The following PLCE1 variants were observed in gnomAD, a reference collection of about 807,000 sequenced individuals.
The protein encoded by PLCE1 is 1-phosphatidylinositol 4,5-bisphosphate phosphodiesterase epsilon-1.
Under a neutral mutation model 242.8 loss-of-function variants are expected in PLCE1, and 119 were observed. The ratio of observed to expected loss-of-function variants is 0.49; its 90% CI spans 0.42 to 0.57. The LOEUF is 0.57. Among genes scored for constraint, PLCE1 ranks in the 20% least tolerant of loss-of-function variants. The probability of loss-of-function intolerance (pLI) is 0.00; values close to 1 mark genes in which losing one functional copy is unlikely to be tolerated. For missense variants in PLCE1, 2,441 were observed against 2,788.8 expected (o/e 0.88, Z 2.81); for synonymous variants, 945 against 1,017.4 (o/e 0.93, Z 1.35).
intron 3 of PLCE1, chr10:94,138,315 C>A (rs573443540): frequency 1.1e-5 from 4 of 354,314 alleles, no homozygotes; most frequent in African/African-American, 4.3e-5. Context: ...ATGGAAGAGG[C>A]CTTCTATGCC....
intron 4 of PLCE1, among the ~76,000 whole-genome samples, chr10:94,226,326 G>A (rs1331021014): frequency 6.6e-6 from 1 of 152,204 alleles, no homozygotes; most frequent in East Asian, 1.9e-4. Flanking sequence ...GGTTGATAAT[G>A]CAACCTCTGG....
chr10:94,309,067 G>T lies in PLCE1; in HGVS notation c.6003+368G>T, dbSNP rs117463106. 1.9e-3 allele frequency among the ~76,000 whole-genome samples: 287 copies of T among 152,320 alleles called. 1 individual carries two copies. Among genetic ancestry groups the T allele is most frequent in the Admixed American group, 3.5e-3 (53 of 15,306 alleles). ...AGTAAGCCAAATATAACAAAGTGAG[G>T]AAGAGGCTTATTATGCGAAGCCTAG... On this transcript the variant is annotated intron_variant, in intron 27 of 32. Coordinates refer to ENST00000371380, the MANE Select transcript of PLCE1 (RefSeq NM_016341.4).
At chr10:94,239,596 T>C (rs986810554) in intron 7 of PLCE1, among the ~76,000 whole-genome samples, 1 of 152,206 alleles carries the variant, frequency 6.6e-6, no homozygotes, top group African/African-American at 2.4e-5. Flanking sequence ...AGCACTTAAG[T>C]GTGGACACCC....
chr10:94,190,911 T>C (rs1430047965), intron 4 of PLCE1, among the ~76,000 whole-genome samples: 1 of 152,220 alleles, frequency 6.6e-6, no homozygotes, highest in Non-Finnish European at 1.5e-5. Context: ...GCCATGAGAA[T>C]CTGTCTTCTA....
intron 28 of PLCE1, among the ~76,000 whole-genome samples, chr10:94,313,931 C>G (rs2133751703): frequency 6.6e-6 from 1 of 152,304 alleles, no homozygotes; most frequent in South Asian, 2.1e-4. Context: ...CCTCCCCTGG[C>G]ACCTGACCTT....
intron 1 of PLCE1, among the ~76,000 whole-genome samples, chr10:94,000,574 A>G (rs1442339007): frequency 6.6e-6 from 1 of 152,238 alleles, no homozygotes; most frequent in African/African-American, 2.4e-5. Context: ...GAATTCTAAC[A>G]AATATTAGTT....
intron 3 of PLCE1, among the ~76,000 whole-genome samples, chr10:94,156,931 A>T (rs2047450582): frequency 6.6e-6 from 1 of 152,072 alleles, no homozygotes; most frequent in African/African-American, 2.4e-5. Context: ...AAATATATAT[A>T]TTTTTTATTA....
At chr10:94,276,757 C>T (rs946193656) in intron 19 of PLCE1, among the ~76,000 whole-genome samples, 1 of 152,158 alleles carries the variant, frequency 6.6e-6, no homozygotes, top group Non-Finnish European at 1.5e-5. Flanking sequence ...ATTAATACCC[C>T]ATCATGAAAT....
At chr10:94,278,411 C>T (rs1288596468) in intron 19 of PLCE1, among the ~76,000 whole-genome samples, 1 of 152,138 alleles carries the variant, frequency 6.6e-6, no homozygotes, top group East Asian at 1.9e-4. Context: ...GAAATGGCAA[C>T]TTTTTCATTA....
At position 94,235,904 on chromosome 10, in the gene PLCE1, T is replaced by C. The variant is rs1326438763; in HGVS notation, c.2215-11T>C. On this transcript the variant is annotated splice_polypyrimidine_tract_variant and intron_variant, in intron 6 of 32. Transcript: ENST00000371380. ...AAGTTGCAATAGCAAATTCTCGATT[T>C]TTTTTTGTAGTTTGTAGCAGATTAC... is the stretch of plus-strand genomic sequence containing the variant. 1 of 1,611,546 alleles carries C rather than the reference T, an allele frequency of 6.2e-7. No homozygotes were observed. Among genetic ancestry groups the C allele is most frequent in the South Asian group, 1.1e-5 (1 of 91,012 alleles).
intron 4 of PLCE1, among the ~76,000 whole-genome samples, chr10:94,185,423 G>GAA (rs1258716283): frequency 2.0e-5 from 3 of 152,188 alleles, no homozygotes; most frequent in Non-Finnish European, 4.4e-5. Flanking sequence ...TTGAACCCAG[G>GAA]AGGCAGAGGT....
chr10:94,330,722 T>G lies in PLCE1; in HGVS notation c.*2779T>G, dbSNP rs1554921242. 3 of 150,980 alleles carry G rather than the reference T, an allele frequency of 2.0e-5. No homozygotes were observed. Among genetic ancestry groups the G allele is most frequent in the Non-Finnish European group, 4.4e-5 (3 of 67,842 alleles). The allele number at this position is 150,980 out of a possible 1,614,324, so 9.4% of individuals were successfully genotyped here. ...AAAAAAAAAAAAGTAAAGAGTCTAG[T>G]CTACTATTATACACAAATGGCCAGC... On this transcript the variant is annotated 3_prime_UTR_variant, in exon 33 of 33. Coordinates refer to ENST00000371380, the MANE Select transcript of PLCE1 (RefSeq NM_016341.4).
At chr10:94,063,782 G>A (rs1474239970) in intron 2 of PLCE1, among the ~76,000 whole-genome samples, 5 of 152,210 alleles carry the variant, frequency 3.3e-5, no homozygotes, top group African/African-American at 7.2e-5. Context: ...ACCTACGGGC[G>A]ATGAGGGTAG....
At chr10:94,166,887 T>C (rs1564749451) in intron 3 of PLCE1, among the ~76,000 whole-genome samples, 1 of 152,144 alleles carries the variant, frequency 6.6e-6, no homozygotes, top group Non-Finnish European at 1.5e-5. Flanking sequence ...ATGGCTTCCA[T>C]TGAGACATGA....
At chr10:94,158,846 T>C (rs953225849) in intron 3 of PLCE1, among the ~76,000 whole-genome samples, 14 of 136,152 alleles carry the variant, frequency 1.0e-4, no homozygotes, top group South Asian at 2.4e-4. Context: ...AATTTTCTTC[T>C]TCTTTTTCTT....
intron 23 of PLCE1, among the ~76,000 whole-genome samples, chr10:94,296,321 G>C (rs746195275): frequency 6.9e-6 from 1 of 144,088 alleles, no homozygotes; most frequent in African/African-American, 2.6e-5. Flanking sequence ...AGCCAAGATC[G>C]CACCACTGCA....
In PLCE1 at chr10:94,203,466, A is replaced by G. The variant is rs116791617; in HGVS notation, c.1810-23840A>G. Among the ~76,000 whole-genome samples the G allele has an allele frequency of 4.4e-3, 674 of 152,326 alleles. 6 individuals are homozygous for G. Among genetic ancestry groups the G allele is most frequent in the African/African-American group, 0.015 (639 of 41,564 alleles). ...TCTGGTTGATCAGACTTGCTTTGAG[A>G]TTATAAACTACCATTTTGTAAACTT... On this transcript the variant is annotated intron_variant, in intron 4 of 32. Transcript: ENST00000371380.
Position 94,320,981 on chromosome 10 carries a change from C to T in PLCE1, c.6343-920C>T, listed in dbSNP as rs544435997. 7.2e-4 allele frequency among the ~76,000 whole-genome samples: 110 copies of T among 152,236 alleles called. 1 individual carries two copies. The highest frequency in any genetic ancestry group is 1.3e-3 in the Non-Finnish European group (86 of 68,004). ...AAAAGTTTGGTTTTTCTTATTGATA[C>T]GCTTCTGTACTGTTTGAAAATTTTT... On this transcript the variant is annotated intron_variant, in intron 29 of 32. Transcript: ENST00000371380.
At chr10:94,168,929 G>T (rs11187799) in intron 3 of PLCE1, among the ~76,000 whole-genome samples, 17,814 of 152,058 alleles carry the variant, frequency 0.12, 2,319 homozygotes, top group African/African-American at 0.32. Context: ...GGAAACTTAG[G>T]CAGTTTCTAA....
Sources: gnomAD v4.1 joint callset for allele counts (sites outside exome capture counted in the v4.1 genomes callset) on GRCh38, gnomAD v4.1.1 for gene constraint, MANE v1.5 for transcripts, NCBI Gene and HGNC (gene_info 2026-07-23, HGNC 2026-07-21) for gene names.